The following PRKN variants were observed in gnomAD, a reference collection of about 807,000 sequenced individuals.
PRKN encodes the protein parkin RBR E3 ubiquitin protein ligase, also known as E3 ubiquitin-protein ligase parkin.
PRKN carries 56 observed loss-of-function variants against 59.5 expected under a neutral mutation model. That is an observed-to-expected ratio of 0.94 (90% CI 0.76 to 1.18). PRKN has a LOEUF of 1.18. Among genes scored for constraint, PRKN ranks in the 50% most tolerant of loss-of-function variants. PRKN has a pLI of 0.00. For missense variants in PRKN, 657 were observed against 596.4 expected, an observed-to-expected ratio of 1.10 and a Z score of -1.06; for synonymous variants, 250 against 222.1, an observed-to-expected ratio of 1.13 and a Z score of -1.12.
chr6:162,063,299 G>A (rs1778181177), intron 4 of PRKN, among the ~76,000 whole-genome samples: 2 of 152,080 alleles, frequency 1.3e-5, no homozygotes, highest in African/African-American at 4.8e-5. Flanking sequence ...TTAAATATAA[G>A]CAAAAACCTT....
intron 6 of PRKN, among the ~76,000 whole-genome samples, chr6:161,852,600 C>T (rs922587727): frequency 1.3e-5 from 2 of 152,086 alleles, no homozygotes; most frequent in African/African-American, 4.8e-5. Context: ...TAAGAATTTG[C>T]AACAAGACCA....
chr6:162,296,778 T>G (rs972441112), intron 2 of PRKN, among the ~76,000 whole-genome samples: 1 of 152,168 alleles, frequency 6.6e-6, no homozygotes, highest in Non-Finnish European at 1.5e-5. Context: ...GAAACTCATG[T>G]TGAATTTCAC....
At position 162,277,812 on chromosome 6, in the gene PRKN, G is replaced by A. The variant is rs568782859; in HGVS notation, c.172-15047C>T. On this transcript the variant is annotated intron_variant, in intron 2 of 11. Transcript: ENST00000366898. ...GAGGACGTGGAATAACAGAACTCTC[G>A]TTCATTGCTACTGGGAATGCAAAAC... Among the ~76,000 whole-genome samples the A allele has an allele frequency of 6.6e-5, 10 of 152,252 alleles. No individual in the cohort carries two copies. The South Asian group carries it at 1.0e-3, about 16-fold the overall frequency.
chr6:162,721,374 C>T (rs961865410), intron 1 of PRKN, among the ~76,000 whole-genome samples: 1 of 152,230 alleles, frequency 6.6e-6, no homozygotes, highest in African/African-American at 2.4e-5. Context: ...CCACAGACAT[C>T]TTTCTAAAAT....
intron 3 of PRKN, among the ~76,000 whole-genome samples, chr6:162,227,814 C>T (rs1778246081): frequency 6.6e-6 from 1 of 151,974 alleles, no homozygotes; most frequent in Non-Finnish European, 1.5e-5. Flanking sequence ...AGTGTCCATA[C>T]AGAAAACGTG....
chr6:161,924,766 T>C (rs1778905011), intron 6 of PRKN, among the ~76,000 whole-genome samples: 1 of 152,230 alleles, frequency 6.6e-6, no homozygotes, highest in Non-Finnish European at 1.5e-5. Context: ...GAATTAATTG[T>C]TCTGAGCAGT....
At chr6:161,656,629 ATC>A (rs762783640) in intron 7 of PRKN, among the ~76,000 whole-genome samples, 1 of 152,028 alleles carries the variant, frequency 6.6e-6, no homozygotes, top group Non-Finnish European at 1.5e-5. Context: ...ATGATTCCAA[ATC>A]TCTGTCTCTA....
At chr6:161,897,821 T>TA (rs60742556) in intron 6 of PRKN, among the ~76,000 whole-genome samples, 1 of 149,628 alleles carries the variant, frequency 6.7e-6, no homozygotes, top group South Asian at 2.1e-4. Flanking sequence ...TACAAAAAGT[T>TA]CCGGGCGTAG....
At chr6:162,475,568 A>C (rs149698474) in intron 1 of PRKN, among the ~76,000 whole-genome samples, 2 of 134,780 alleles carry the variant, frequency 1.5e-5, no homozygotes, top group East Asian at 4.3e-4. Context: ...TATGCATGTG[A>C]GTGTGTGTGT....
At chr6:161,920,654 G>A (rs1435576832) in intron 6 of PRKN, among the ~76,000 whole-genome samples, 4 of 151,818 alleles carry the variant, frequency 2.6e-5, no homozygotes, top group East Asian at 3.9e-4. Flanking sequence ...GCTGGGTGTG[G>A]TGGTGTGTGC....
At chr6:161,537,182 G>A (rs1262173327) in intron 9 of PRKN, among the ~76,000 whole-genome samples, 10 of 152,008 alleles carry the variant, frequency 6.6e-5, no homozygotes, top group East Asian at 1.9e-4. Flanking sequence ...GCTTTTCTAC[G>A]TACTTCCTAT....
At chr6:162,499,316 T>G (rs1261434686) in intron 1 of PRKN, among the ~76,000 whole-genome samples, 2 of 152,206 alleles carry the variant, frequency 1.3e-5, no homozygotes, top group Non-Finnish European at 2.9e-5. Flanking sequence ...ATCTTTCATA[T>G]TATTCAAATC....
At chr6:162,280,682 T>G (rs1780850903) in intron 2 of PRKN, among the ~76,000 whole-genome samples, 1 of 147,408 alleles carries the variant, frequency 6.8e-6, no homozygotes, top group South Asian at 2.2e-4. Flanking sequence ...TTCCAGCTAC[T>G]CGGGAGGCTG....
intron 9 of PRKN, among the ~76,000 whole-genome samples, chr6:161,426,314 A>G (rs1025505600): frequency 8.5e-5 from 13 of 152,244 alleles, no homozygotes; most frequent in East Asian, 3.9e-4. Context: ...GATCATGGGT[A>G]TGTCTGTGAG....
At chr6:162,723,478 G>A (rs188444711) in intron 1 of PRKN, among the ~76,000 whole-genome samples, 1 of 152,140 alleles carries the variant, frequency 6.6e-6, no homozygotes, top group Non-Finnish European at 1.5e-5. Context: ...AGAGAGGTGG[G>A]GGACCGGAGA....
At position 161,391,904 on chromosome 6, in the gene PRKN, T is replaced by G. The variant is rs976390764; in HGVS notation, c.1084-5027A>C. On this transcript the variant is annotated intron_variant, in intron 9 of 11. Coordinates refer to ENST00000366898, the MANE Select transcript of PRKN (RefSeq NM_004562.3). The surrounding 1 kb of genome is among the most constrained non-coding windows in gnomAD (Gnocchi z 4.9). ...GTGCCTACCCAGCCCTGAAACCGTG[T>G]AAGCCACTTCCTTCCAGTAAATCTC... Among the ~76,000 whole-genome samples, 4 of 151,990 alleles carry G rather than the reference T, an allele frequency of 2.6e-5. No individual in the cohort carries two copies. The highest frequency in any genetic ancestry group is 4.4e-5 in the Non-Finnish European group (3 of 68,016).
intron 9 of PRKN, among the ~76,000 whole-genome samples, chr6:161,474,517 A>C (rs1444845652): frequency 6.6e-6 from 1 of 152,180 alleles, no homozygotes; most frequent in African/African-American, 2.4e-5. Flanking sequence ...TGACTTAGTC[A>C]TAGATGAGAA....
chr6:162,226,030 T>C (rs1407265067), intron 3 of PRKN, among the ~76,000 whole-genome samples: 2 of 147,668 alleles, frequency 1.4e-5, no homozygotes, highest in African/African-American at 2.5e-5. Flanking sequence ...GGGGAATCTA[T>C]TGCATACAGG....
intron 2 of PRKN, among the ~76,000 whole-genome samples, chr6:162,289,587 C>G (rs1341616542): frequency 6.6e-6 from 1 of 151,564 alleles, no homozygotes; most frequent in Non-Finnish European, 1.5e-5. Context: ...ATCCCAGCTA[C>G]TTAGGAGGCT....
Sources: gnomAD v4.1 joint callset for allele counts (sites outside exome capture counted in the v4.1 genomes callset) on GRCh38, gnomAD v4.1.1 for gene constraint, Gnocchi (gnomAD v3.1) non-coding constraint, MANE v1.5 for transcripts, NCBI Gene and HGNC (gene_info 2026-07-23, HGNC 2026-07-21) for gene names.